PDE1C: variants seen among roughly 807,000 people sequenced by gnomAD.
PDE1C encodes dual specificity calcium/calmodulin-dependent 3',5'-cyclic nucleotide phosphodiesterase 1C.
PDE1C carries 62 observed loss-of-function variants against 93.1 expected under a neutral mutation model. That is an observed-to-expected ratio of 0.67 (90% CI 0.54 to 0.82). The LOEUF (loss-of-function observed/expected upper bound fraction) is 0.82. PDE1C is among the 40% of genes least tolerant of loss of function. The pLI is 0.00. For missense variants in PDE1C, 742 were observed against 884.6 expected (o/e 0.84, Z 2.04); for synonymous variants, 325 against 310.1 (o/e 1.05, Z -0.50).
the PDE1C span, among the ~76,000 whole-genome samples, chr7:31,698,605 T>A: frequency 1.3e-5 from 2 of 152,244 alleles, no homozygotes; most frequent in African/African-American, 4.8e-5. Context: ...CTTCAAACTG[T>A]CTTCATTCTT....
intron 13 of PDE1C, among the ~76,000 whole-genome samples, chr7:31,824,336 C>T (rs530857357): frequency 1.3e-5 from 2 of 152,176 alleles, no homozygotes; most frequent in Admixed American, 1.3e-4. Flanking sequence ...CACGTTTTCT[C>T]AGATGGGGGA....
chr7:31,751,673 G>A lies in PDE1C; in HGVS notation c.*1711C>T, dbSNP rs556336415. 4 of 152,280 alleles carry A rather than the reference G, an allele frequency of 2.6e-5. No homozygotes were observed. The highest frequency in any genetic ancestry group is 1.9e-4 in the East Asian group (1 of 5,190). The allele number at this position is 152,280 out of a possible 1,614,324, so 9.4% of individuals were successfully genotyped here. On this transcript the variant is annotated 3_prime_UTR_variant, in exon 18 of 18. Transcript: ENST00000396191. ...AGGCAGGGAGCAAAGAATTGCAATCGCCTCCTTAACGAAAAGTCACAATGA... is the reference window on the plus strand; with the variant it reads ...AGGCAGGGAGCAAAGAATTGCAATCACCTCCTTAACGAAAAGTCACAATGA...
chr7:32,305,006 G>T (rs762218585), intron 1 of PDE1C, among the ~76,000 whole-genome samples: 2 of 152,118 alleles, frequency 1.3e-5, no homozygotes, highest in African/African-American at 4.8e-5. Context: ...TCAACCCTGG[G>T]CCTAAGGCCC....
At chr7:31,879,723 G>A (rs1332255182) in intron 3 of PDE1C, among the ~76,000 whole-genome samples, 4 of 152,088 alleles carry the variant, frequency 2.6e-5, no homozygotes, top group Admixed American at 6.6e-5. Flanking sequence ...CTTTATTTGC[G>A]CACAATGATT....
chr7:31,746,839 A>G (rs1052938001), downstream of PDE1C, among the ~76,000 whole-genome samples: 21 of 152,274 alleles, frequency 1.4e-4, no homozygotes, highest in East Asian at 4.1e-3. Flanking sequence ...AAAAAAAGCC[A>G]CAAGTTGGAG....
At chr7:32,007,702 A>C (rs1266480717) in intron 2 of PDE1C, among the ~76,000 whole-genome samples, 2 of 152,196 alleles carry the variant, frequency 1.3e-5, no homozygotes, top group Non-Finnish European at 2.9e-5. Flanking sequence ...GAGCACAACT[A>C]GTCATTCCAC....
At chr7:32,251,720 ATGTTCATAACCC>A (rs1415725922) in intron 1 of PDE1C, among the ~76,000 whole-genome samples, 1 of 152,238 alleles carries the variant, frequency 6.6e-6, no homozygotes, top group Non-Finnish European at 1.5e-5. Context: ...TCTCATTGAA[ATGTTCATAACCC>A]TTTGCTCTTT....
intron 2 of PDE1C, among the ~76,000 whole-genome samples, chr7:31,968,974 A>G (rs1810479917): frequency 6.6e-6 from 1 of 152,198 alleles, no homozygotes; most frequent in Admixed American, 6.5e-5. Flanking sequence ...TTATACAAAA[A>G]TTAATTCAAG....
chr7:32,274,052 T>C (rs947455416), intron 1 of PDE1C, among the ~76,000 whole-genome samples: 8 of 152,080 alleles, frequency 5.3e-5, no homozygotes, highest in African/African-American at 1.4e-4. Context: ...AGCTTGAAGA[T>C]AGTTAAATCT....
At chr7:32,094,782 G>C (rs1312632152) in intron 3 of PDE1C, among the ~76,000 whole-genome samples, 1 of 152,146 alleles carries the variant, frequency 6.6e-6, no homozygotes, top group East Asian at 1.9e-4. Flanking sequence ...CAGATACATA[G>C]CATGGCACAA....
At chr7:31,889,627 G>A (rs1798379539) in intron 2 of PDE1C, among the ~76,000 whole-genome samples, 1 of 152,278 alleles carries the variant, frequency 6.6e-6, no homozygotes, top group South Asian at 2.1e-4. Context: ...TCTACAGAGT[G>A]AATCTCCTTT....
intron 7 of PDE1C, among the ~76,000 whole-genome samples, chr7:31,856,792 C>A (rs1228799418): frequency 6.6e-6 from 1 of 151,106 alleles, no homozygotes; most frequent in Non-Finnish European, 1.5e-5. Flanking sequence ...GTACTGTACT[C>A]AGTTGCTCGG....
chr7:32,038,572 A>G (rs757697191), intron 2 of PDE1C, among the ~76,000 whole-genome samples: 11 of 152,168 alleles, frequency 7.2e-5, no homozygotes, highest in East Asian at 3.9e-4. Context: ...TGGCCGAAAA[A>G]TCACAAAGTT....
intron 2 of PDE1C, among the ~76,000 whole-genome samples, chr7:31,976,379 T>G (rs1811668700): frequency 6.6e-6 from 1 of 152,224 alleles, no homozygotes. Flanking sequence ...ATAAGAGGAC[T>G]GTTATTGTGT....
chr7:31,636,065 A>G, the PDE1C span, among the ~76,000 whole-genome samples: 3 of 152,232 alleles, frequency 2.0e-5, no homozygotes, highest in Non-Finnish European at 4.4e-5. Context: ...AATGAGAGCT[A>G]GCAGGGGAAA....
intron 3 of PDE1C, among the ~76,000 whole-genome samples, chr7:32,116,010 A>G (rs1798967403): frequency 6.6e-6 from 1 of 152,174 alleles, no homozygotes; most frequent in Admixed American, 6.5e-5. Flanking sequence ...TATGAGAAAA[A>G]TCTCAGGAAA....
intron 9 of PDE1C, among the ~76,000 whole-genome samples, chr7:31,840,058 C>G (rs1283558827): frequency 6.6e-6 from 1 of 152,054 alleles, no homozygotes; most frequent in Non-Finnish European, 1.5e-5. Context: ...AAAAAAGAAA[C>G]TGCCAAATAT....
chr7:31,909,870 C>G (rs1801016986), intron 2 of PDE1C, among the ~76,000 whole-genome samples: 1 of 151,694 alleles, frequency 6.6e-6, no homozygotes, highest in Non-Finnish European at 1.5e-5. Context: ...AAATTGGCAC[C>G]ATTAACATTT....
At chr7:32,099,403 C>T (rs1270027466) in intron 3 of PDE1C, among the ~76,000 whole-genome samples, 1 of 152,208 alleles carries the variant, frequency 6.6e-6, no homozygotes, top group African/African-American at 2.4e-5. Flanking sequence ...CCTCAAAGCA[C>T]TGTCTTCACC....
Sources: gnomAD v4.1 joint callset for allele counts (sites outside exome capture counted in the v4.1 genomes callset) on GRCh38, gnomAD v4.1.1 for gene constraint, MANE v1.5 for transcripts, NCBI Gene and HGNC (gene_info 2026-07-23, HGNC 2026-07-21) for gene names.